F12: variants seen among roughly 807,000 people sequenced by gnomAD.
The protein encoded by F12 is coagulation factor XII.
In F12, 70 loss-of-function variants were observed where a neutral mutation model predicts 74.8. The observed-to-expected ratio is 0.94, with a 90% confidence interval of 0.77 to 1.14. The LOEUF (loss-of-function observed/expected upper bound fraction) is 1.14. F12 is among the 50% of genes most tolerant of loss of function. F12 has a pLI of 0.00. For synonymous variants in F12, 373 were observed against 356.4 expected (o/e 1.05, Z -0.52); for missense variants, 811 against 835.7 (o/e 0.97, Z 0.36).
rs1324684781 is a variant in F12, at chr5:177,404,103, AG to A, written c.1019-14del. 7 of 1,600,874 alleles carry A rather than the reference AG, an allele frequency of 4.4e-6. No individual in the cohort carries two copies. The highest frequency in any genetic ancestry group is 5.9e-6 in the Non-Finnish European group (7 of 1,177,116). On this transcript the variant is annotated splice_polypyrimidine_tract_variant and intron_variant, in intron 9 of 13. Coordinates refer to ENST00000253496, the MANE Select transcript of F12 (RefSeq NM_000505.4). ...TTCGCCGGCAAGGCTGTGGAGGAGC[AG>A]GGGCTGAGGACGGAGAGCCCGCGGC...
In F12 at chr5:177,404,322, G is replaced by T. The variant is rs1763228152; in HGVS notation, c.892C>A (p.Pro298Thr). The change falls in exon 9 of 14, where the codon CCA becomes ACA. Residue 298 changes from proline to threonine, a missense_variant. Pro to Thr is a conservative substitution (Grantham distance 38). Transcript: ENST00000253496. ...EYCDLAQCQT[P>T]TQAAPPTPVS... ...GGGGTCGGAGGCGCCGCCTGGGTTG[G>T]GGTCTGGCACTGTGCCAGGTCGCAG... The T allele has an allele frequency of 1.2e-6, 2 of 1,606,730 alleles. No homozygotes were observed. The highest frequency in any genetic ancestry group is 1.7e-5 in the Admixed American group (1 of 59,084).
At chr5:177,408,951 G>T in intron 2 of F12, 95 bp downstream of exon 2, 1 of 1,168,090 alleles carries the variant, frequency 8.6e-7, no homozygotes, top group Non-Finnish European at 1.2e-6. Context: ...CCTAGCACCA[G>T]GTAGGCACTA....
chr5:177,402,799 T>A lies in F12; in HGVS notation c.1532-101A>T, dbSNP rs903276382. On this transcript the variant is annotated intron_variant, in intron 12 of 13. Transcript: ENST00000253496. ...GGCGCTTGTAAACCCACTCATGCCC[T>A]TCCTCTCTCGCAGCAAGCCCGAAGG... The A allele has an allele frequency of 2.6e-6, 4 of 1,514,334 alleles. No homozygotes were observed. The South Asian group carries it at 4.8e-5, about 18-fold the overall frequency. 93.8% of individuals were successfully genotyped at this position (1,514,334 alleles called of 1,614,324 possible). A position where few individuals can be genotyped will look rare whatever the true frequency, so the allele number is the denominator to read the frequency against.
chr5:177,408,157 G>A (rs17876014), intron 2 of F12, among the ~76,000 whole-genome samples: 1,553 of 151,946 alleles, frequency 0.01, 26 homozygotes, highest in African/African-American at 0.035. Context: ...CCAGGTTCAA[G>A]CAATTCTTCT....
intron 9 of F12, 29 bp downstream of exon 9, chr5:177,404,167 G>A (rs777138436): frequency 6.5e-7 from 1 of 1,548,220 alleles, no homozygotes; most frequent in Admixed American, 1.9e-5. Context: ...CGCCCTCTCG[G>A]CTCCTCCTTC....
intron 12 of F12, 131 bp from the exon 13 acceptor site, chr5:177,402,829 G>A: frequency 7.7e-7 from 1 of 1,305,948 alleles, no homozygotes; most frequent in Non-Finnish European, 1.1e-6. Flanking sequence ...CGAAGGGGAG[G>A]AGGTGCCATT....
chr5:177,402,585 C>A lies in F12; in HGVS notation c.1645G>T (p.Ala549Ser). 1 of 1,613,008 alleles carries A rather than the reference C, an allele frequency of 6.2e-7. No individual in the cohort carries two copies. The highest frequency in any genetic ancestry group is 8.5e-7 in the Non-Finnish European group (1 of 1,179,892). Residue 549 changes from alanine (A) to serine (S), a missense_variant, in exon 13 of 14, where the codon GCA becomes TCA. Physicochemically the swap from Ala to Ser is moderately conservative, Grantham distance 99. Coordinates refer to ENST00000253496, the MANE Select transcript of F12 (RefSeq NM_000505.4). ...TCGGTGCCGCCCTCGAGGAACCCTG[C>A]GCAGAGCATGCCGGGGAGGATGGAG... is the stretch of plus-strand genomic sequence containing the variant. The part of the protein sequence containing the change: ...GSSILPGMLC[A>S]GFLEGGTDAC...
In F12 at chr5:177,402,375, C is replaced by A; in HGVS notation, c.1765G>T (p.Gly589Cys). The change falls in exon 14 of 14, where the codon GGC becomes TGC. Residue 589 changes from glycine to cysteine, a missense_variant. Transcript: ENST00000253496. Reference sequence around the variant, plus strand: ...CCTGGCTTGTTGCGGTCACCACAGCCCGATCCCCAGCTGATGATGCCTTGC... The same window carrying A: ...CCTGGCTTGTTGCGGTCACCACAGCACGATCCCCAGCTGATGATGCCTTGC... ...TLQGIISWGS[G>C]CGDRNKPGVY... 1 of 1,613,684 alleles carries A rather than the reference C, an allele frequency of 6.2e-7. No individual in the cohort carries two copies. The highest frequency in any genetic ancestry group is 8.5e-7 in the Non-Finnish European group (1 of 1,179,970).
intron 10 of F12, 120 bp downstream of exon 10, chr5:177,403,739 C>A (rs1036910936): frequency 2.0e-6 from 3 of 1,484,746 alleles, no homozygotes; most frequent in Non-Finnish European, 2.7e-6. Context: ...TCCGGAGGGG[C>A]GTGGAAAGAA....
At position 177,403,363 on chromosome 5, in the gene F12, G is replaced by A. The variant is rs761796773; in HGVS notation, c.1422C>T (p.Ser474=). ...GAACGTAAGGCGACAGGAGCGCGCA[G>A]CTGCCGTCCGCATCCTCCTGAAGGC... is the stretch of plus-strand genomic sequence containing the variant. ...LLRLQEDADG[S]CALLSPYVQP... The change falls in exon 12 of 14, where the codon AGC becomes AGT. Residue 474 remains serine, a synonymous_variant. Transcript: ENST00000253496. The A allele has an allele frequency of 6.3e-7, 1 of 1,598,618 alleles. No homozygotes were observed. The highest frequency in any genetic ancestry group is 8.5e-7 in the Non-Finnish European group (1 of 1,179,472).
chr5:177,408,984 A>T lies in F12; in HGVS notation c.115+62T>A, dbSNP rs1763347340. The T allele has an allele frequency of 1.7e-5, 26 of 1,497,210 alleles. No individual in the cohort carries two copies. In the South Asian group the frequency reaches 3.0e-4, roughly 17 times the overall value. The allele number at this position is 1,497,210 out of a possible 1,614,324, so 92.7% of individuals were successfully genotyped here. A position where few individuals can be genotyped will look rare whatever the true frequency, so the allele number is the denominator to read the frequency against. Reference sequence around the variant, plus strand: ...CTAGACTAGACTGCCCTGAGACTGCACACACTGCACCATACACATCCCCAC... The same window carrying T: ...CTAGACTAGACTGCCCTGAGACTGCTCACACTGCACCATACACATCCCCAC... On this transcript the variant is annotated intron_variant, in intron 2 of 13. Coordinates refer to ENST00000253496, the MANE Select transcript of F12 (RefSeq NM_000505.4).
At position 177,404,558 on chromosome 5, in the gene F12, G is replaced by C; in HGVS notation, c.741C>G (p.Tyr247Ter). The C allele has an allele frequency of 1.2e-6, 2 of 1,606,158 alleles. No individual in the cohort carries two copies. Among genetic ancestry groups the C allele is most frequent in the Non-Finnish European group, 1.7e-6 (2 of 1,177,536 alleles). ...PCQPWASEAT[Y>*]RNVTAEQARN... ...GCGCTTGCTCGGCAGTCACGTTCCGGTAGGTGGCCTCCGAGGCCCACGGCT... is the reference window on the plus strand; with the variant it reads ...GCGCTTGCTCGGCAGTCACGTTCCGCTAGGTGGCCTCCGAGGCCCACGGCT... Residue 247 changes from tyrosine (Y) to a stop codon, truncating the protein, a stop_gained, in exon 8 of 14, where the codon TAC (tyrosine) becomes TAG (stop). Coordinates refer to ENST00000253496, the MANE Select transcript of F12 (RefSeq NM_000505.4). LOFTEE classifies it high-confidence loss of function.
intron 10 of F12, 24 bp from the exon 11 acceptor site, chr5:177,403,641 C>T: frequency 6.3e-7 from 1 of 1,597,322 alleles, no homozygotes; most frequent in Non-Finnish European, 8.5e-7. Flanking sequence ...AGGGGAGAGG[C>T]AGCGCTCTCA....
intron 3 of F12, 54 bp downstream of exon 3, chr5:177,405,908 A>G: frequency 6.3e-7 from 1 of 1,597,290 alleles, no homozygotes; most frequent in Non-Finnish European, 8.6e-7. Context: ...ACAGAAGGAC[A>G]GGCAGGGTAC....
intron 12 of F12, chr5:177,402,936 A>G (rs1015875593): frequency 1.8e-5 from 12 of 681,464 alleles, no homozygotes; most frequent in Non-Finnish European, 7.3e-6. Flanking sequence ...CCACCCATCC[A>G]GAGTCGCAGA....
At position 177,404,030 on chromosome 5, in the gene F12, C is replaced by A. The variant is rs749889059; in HGVS notation, c.1079G>T (p.Gly360Val). Residue 360 changes from glycine to valine, a missense_variant, in exon 10 of 14, where the codon GGG becomes GTG. Gly to Val is a moderately radical substitution (Grantham distance 109). Transcript: ENST00000253496. ...AGACAGACTCTTGCGGAGCCGCTGC[C>A]CGCAGCTCAGTGGGCCGTTCCTGGT... Reference protein sequence around the residue: ...SLTRNGPLSCGQRLRKSLSSM... With the variant: ...SLTRNGPLSCVQRLRKSLSSM... 5.2e-5 allele frequency: 83 copies of A among 1,602,228 alleles called. 1 individual carries two copies. In the South Asian group the frequency reaches 7.6e-4, roughly 15 times the overall value.
Position 177,404,433 on chromosome 5 carries a change from C to T in F12, c.801-20G>A, listed in dbSNP as rs752843409. 14 of 1,608,296 alleles carry T rather than the reference C, an allele frequency of 8.7e-6. 1 individual carries two copies. In the South Asian group the frequency reaches 1.2e-4, roughly 14 times the overall value. ...GGGTTCCTGTAGCCACACGACGGGG[C>T]GCCGTTAGAGCGCCGGGAGCCCGGA... On this transcript the variant is annotated intron_variant, in intron 8 of 13. Coordinates refer to ENST00000253496, the MANE Select transcript of F12 (RefSeq NM_000505.4).
chr5:177,404,997 C>A, intron 6 of F12, 57 bp downstream of exon 6: 16 of 1,598,872 alleles, frequency 1.0e-5, no homozygotes, highest in Non-Finnish European at 1.3e-5. Flanking sequence ...CACCCGGCCT[C>A]CTGCCAGCCT....
Position 177,404,673 on chromosome 5 carries a change from A to G in F12, c.635-9T>C, listed in dbSNP as rs1581657839. On this transcript the variant is annotated splice_polypyrimidine_tract_variant and intron_variant, in intron 7 of 13. Transcript: ENST00000253496. ...GCAGCTTGCCTTGGTGTCTGAGGAGAAAGGGGGCTCCCTGGGCAGCCAAGG... is the reference window on the plus strand; with the variant it reads ...GCAGCTTGCCTTGGTGTCTGAGGAGGAAGGGGGCTCCCTGGGCAGCCAAGG... 1 of 1,606,374 alleles carries G rather than the reference A, an allele frequency of 6.2e-7. No individual in the cohort carries two copies. Among genetic ancestry groups the G allele is most frequent in the Non-Finnish European group, 8.5e-7 (1 of 1,179,684 alleles).
Sources: allele counts gnomAD v4.1 joint callset (sites outside exome capture counted in the v4.1 genomes callset), GRCh38; gene constraint gnomAD v4.1.1; transcripts MANE v1.5; gene names NCBI Gene and HGNC (gene_info 2026-07-23, HGNC 2026-07-21).